TUFT1: variants seen among roughly 807,000 people sequenced by gnomAD.
TUFT1 encodes the protein tuftelin.
TUFT1 carries 43 observed loss-of-function variants against 57.8 expected under a neutral mutation model. That is an observed-to-expected ratio of 0.74 (90% confidence interval 0.58 to 0.96). TUFT1 has a LOEUF of 0.96. Ranked by LOEUF, TUFT1 falls within the 40% of genes least tolerant of loss-of-function variation. The pLI is 0.00. For missense variants in TUFT1, 459 were observed against 489.0 expected (o/e 0.94, Z 0.58); for synonymous variants, 166 against 176.7 (o/e 0.94, Z 0.48).
At chr1:151,554,988 G>A (rs978807908) in intron 1 of TUFT1, among the ~76,000 whole-genome samples, 1 of 149,380 alleles carries the variant, frequency 6.7e-6, no homozygotes, top group African/African-American at 2.5e-5. Context: ...ACAGGTGTGA[G>A]CCACCACACC....
intron 1 of TUFT1, among the ~76,000 whole-genome samples, chr1:151,560,580 C>G (rs1665851682): frequency 6.6e-6 from 1 of 152,164 alleles, no homozygotes; most frequent in Non-Finnish European, 1.5e-5. Flanking sequence ...AACCTGTTAC[C>G]AGTAAGATGT....
At chr1:151,541,078 C>A (rs564070604) in intron 1 of TUFT1, among the ~76,000 whole-genome samples, 1 of 152,236 alleles carries the variant, frequency 6.6e-6, no homozygotes, top group East Asian at 1.9e-4. Context: ...CCTTGTAGTT[C>A]TCTTGTTTTC....
intron 11 of TUFT1, 111 bp from the exon 12 acceptor site, chr1:151,580,831 T>TA (rs1249787087): frequency 2.2e-6 from 2 of 898,052 alleles, no homozygotes; most frequent in Non-Finnish European, 3.6e-6. Context: ...ATGGTGGGGG[T>TA]AGAGGCAACA....
At chr1:151,551,439 C>A (rs778356169) in intron 1 of TUFT1, among the ~76,000 whole-genome samples, 14 of 152,026 alleles carry the variant, frequency 9.2e-5, no homozygotes, top group Non-Finnish European at 1.8e-4. Flanking sequence ...TGAATTGTTA[C>A]AAAAGAATGG....
intron 12 of TUFT1, 28 bp downstream of exon 12, chr1:151,581,070 G>A: frequency 6.3e-7 from 1 of 1,599,724 alleles, no homozygotes; most frequent in Non-Finnish European, 8.6e-7. Flanking sequence ...GATAGAATGG[G>A]GCCAGGGAGG....
intron 6 of TUFT1, among the ~76,000 whole-genome samples, chr1:151,567,899 A>G (rs757926437): frequency 1.3e-5 from 2 of 152,218 alleles, no homozygotes; most frequent in Non-Finnish European, 2.9e-5. Context: ...TGATTATACA[A>G]TACAAAACAT....
At chr1:151,581,185 G>A (rs951227886) in intron 12 of TUFT1, 143 bp downstream of exon 12, 8 of 783,404 alleles carry the variant, frequency 1.0e-5, no homozygotes, top group South Asian at 3.6e-5. Context: ...ACTGTTTGCC[G>A]GAACCATTTT....
intron 7 of TUFT1, among the ~76,000 whole-genome samples, chr1:151,571,243 T>C (rs1211519777): frequency 6.6e-6 from 1 of 152,178 alleles, no homozygotes; most frequent in African/African-American, 2.4e-5. Context: ...GCACCAAGGA[T>C]GATAAACTGC....
At chr1:151,558,109 C>T (rs1393116462) in intron 1 of TUFT1, among the ~76,000 whole-genome samples, 1 of 151,392 alleles carries the variant, frequency 6.6e-6, no homozygotes, top group Non-Finnish European at 1.5e-5. Context: ...AAAATAATTT[C>T]CTTTCTGTTT....
chr1:151,555,451 G>C (rs1184048614), intron 1 of TUFT1, among the ~76,000 whole-genome samples: 4 of 146,924 alleles, frequency 2.7e-5, no homozygotes, highest in African/African-American at 1.0e-4. Context: ...GTACTTGAAG[G>C]AATATTAATT....
At chr1:151,553,096 A>G (rs1665560939) in intron 1 of TUFT1, among the ~76,000 whole-genome samples, 1 of 151,474 alleles carries the variant, frequency 6.6e-6, no homozygotes, top group African/African-American at 2.4e-5. Context: ...TGGGTCAGAT[A>G]ATTTTTTTTT....
intron 1 of TUFT1, chr1:151,557,353 C>G (rs1665734696): frequency 6.6e-6 from 4 of 601,912 alleles, no homozygotes; most frequent in South Asian, 2.0e-5. Flanking sequence ...CCACATCAGA[C>G]ATTGTTATAC....
chr1:151,573,957 G>A (rs192911065), intron 7 of TUFT1, among the ~76,000 whole-genome samples: 211 of 152,256 alleles, frequency 1.4e-3, no homozygotes, highest in Non-Finnish European at 2.9e-4. Flanking sequence ...TTAAGCTTGG[G>A]TGGTGGTGGA....
At chr1:151,565,217 T>C (rs990018255) in intron 5 of TUFT1, among the ~76,000 whole-genome samples, 2 of 152,180 alleles carry the variant, frequency 1.3e-5, no homozygotes, top group Non-Finnish European at 2.9e-5. Flanking sequence ...ACTGAACAGA[T>C]TGGGTAAGTC....
chr1:151,581,772 T>G lies in TUFT1; in HGVS notation c.*65T>G. ...CCTCGGAGAAGCCCACTGCCCCTGTTGGCTGTTAACACTGCCTTTGACTTC... is the reference window on the plus strand; with the variant it reads ...CCTCGGAGAAGCCCACTGCCCCTGTGGGCTGTTAACACTGCCTTTGACTTC... On this transcript the variant is annotated 3_prime_UTR_variant, in exon 13 of 13. Coordinates refer to ENST00000368849, the MANE Select transcript of TUFT1 (RefSeq NM_020127.3). 2 of 1,554,482 alleles carry G rather than the reference T, an allele frequency of 1.3e-6. No homozygotes were observed. The highest frequency in any genetic ancestry group is 1.7e-5 in the Admixed American group (1 of 59,692).
At chr1:151,566,881 G>A (rs1479892564) in intron 6 of TUFT1, among the ~76,000 whole-genome samples, 1 of 151,546 alleles carries the variant, frequency 6.6e-6, no homozygotes, top group African/African-American at 2.4e-5. Flanking sequence ...TAACTACATA[G>A]TATTTCCTTC....
At position 151,581,040 on chromosome 1, in the gene TUFT1, C is replaced by A. The variant is rs1273975833; in HGVS notation, c.1107C>A (p.Gly369=). The part of the protein sequence containing the change: ...TQARAKTENP[G]SIRISKPPSP... ...CCCGGGCCAAGACAGAGAACCCGGG[C>A]AGGTGAGTGAGCGTGTGTAGATAGA... Residue 369 remains glycine, a splice_region_variant and synonymous_variant, in exon 12 of 13, where the codon GGC becomes GGA. Transcript: ENST00000368849. 6.2e-7 allele frequency: 1 copy of A among 1,613,950 alleles called. No individual in the cohort carries two copies. Among genetic ancestry groups the A allele is most frequent in the South Asian group, 1.1e-5 (1 of 91,070 alleles).
At chr1:151,577,787 C>T (rs1293174742) in intron 9 of TUFT1, among the ~76,000 whole-genome samples, 2 of 152,134 alleles carry the variant, frequency 1.3e-5, no homozygotes, top group South Asian at 2.1e-4. Context: ...CTTTGGGAGG[C>T]CGGGACAGGA....
At position 151,563,989 on chromosome 1, in the gene TUFT1, A is replaced by G; in HGVS notation, c.323A>G (p.Glu108Gly). The G allele has an allele frequency of 6.2e-7, 1 of 1,613,632 alleles. No homozygotes were observed. Among genetic ancestry groups the G allele is most frequent in the Non-Finnish European group, 8.5e-7 (1 of 1,179,620 alleles). ...AAGAGTGAGGTCCAGTACATCCAGG[A>G]GGTGGGCACCCCTTACCTCTCACGC... ...QLKSEVQYIQ[E>G]ARNCLQKLRE... The change falls in exon 4 of 13, where the codon GAG becomes GGG. Residue 108 changes from glutamate to glycine, a missense_variant and splice_region_variant. By Grantham distance (98) the Glu-to-Gly change is moderately conservative (BLOSUM62 -2). Transcript: ENST00000368849.
Sources: allele counts gnomAD v4.1 joint callset (sites outside exome capture counted in the v4.1 genomes callset), GRCh38; gene constraint gnomAD v4.1.1; transcripts MANE v1.5; gene names NCBI Gene and HGNC (gene_info 2026-07-23, HGNC 2026-07-21).